Variants in TENM3 observed in about 807,000 individuals in gnomAD.
TENM3 encodes the protein teneurin-3.
A neutral mutation model predicts 255.1 loss-of-function variants in TENM3; 63 were observed. The ratio of observed to expected loss-of-function variants is 0.25; its 90% CI spans 0.20 to 0.30. TENM3 has a LOEUF of 0.30. Among genes scored for constraint, TENM3 ranks in the 10% least tolerant of loss-of-function variants. The pLI is 1.00. For synonymous variants in TENM3, 1,306 were observed against 1,322.3 expected (o/e 0.99, Z 0.27); for missense variants, 2,929 against 3,461.1 (o/e 0.85, Z 3.86).
intron 3 of TENM3, among the ~76,000 whole-genome samples, chr4:182,452,160 A>G (rs983308553): frequency 6.6e-6 from 1 of 152,224 alleles, no homozygotes; most frequent in Non-Finnish European, 1.5e-5. Context: ...ATCTTATCAT[A>G]GATGTGAGTG....
the TENM3 span, among the ~76,000 whole-genome samples, chr4:181,675,734 C>A: frequency 6.6e-6 from 1 of 151,828 alleles, no homozygotes; most frequent in African/African-American, 2.4e-5. Context: ...CTACCGTTGC[C>A]GCACGAGGGG....
the TENM3 span, among the ~76,000 whole-genome samples, chr4:181,581,009 C>A: frequency 6.6e-6 from 1 of 152,132 alleles, no homozygotes. Context: ...AAGCCCAGGG[C>A]ATACAACCAG....
intron 3 of TENM3, among the ~76,000 whole-genome samples, chr4:182,438,669 T>C (rs1472137933): frequency 6.6e-6 from 1 of 152,228 alleles, no homozygotes; most frequent in East Asian, 1.9e-4. Flanking sequence ...CACTTGTACC[T>C]AACTTTGAGA....
the TENM3 span, among the ~76,000 whole-genome samples, chr4:181,520,913 T>C: frequency 6.6e-6 from 1 of 152,220 alleles, no homozygotes; most frequent in Non-Finnish European, 1.5e-5. Flanking sequence ...CATCATTAAT[T>C]ATCTGTTCCA....
In TENM3 at chr4:182,700,329, A is replaced by G. The variant is rs542105794; in HGVS notation, c.2221+11978A>G. Among the ~76,000 whole-genome samples, 9 of 152,324 alleles carry G rather than the reference A, an allele frequency of 5.9e-5. No homozygotes were observed. In the South Asian group the frequency reaches 1.0e-3, roughly 18 times the overall value. ...CACATGGTATGTTGTTATCTTTTCA[A>G]TGGCAGAATTTATCTTTGCCATTTC... is the stretch of plus-strand genomic sequence containing the variant. On this transcript the variant is annotated intron_variant, in intron 12 of 27. Coordinates refer to ENST00000511685, the MANE Select transcript of TENM3 (RefSeq NM_001080477.4).
the TENM3 span, among the ~76,000 whole-genome samples, chr4:181,988,043 T>C: frequency 0.71 from 107,071 of 151,730 alleles, 38,349 homozygotes; most frequent in Middle Eastern, 0.79. Flanking sequence ...AAATGAGAGT[T>C]GAAAGAAATT....
chr4:182,015,915 T>C, the TENM3 span, among the ~76,000 whole-genome samples: 3 of 152,174 alleles, frequency 2.0e-5, no homozygotes, highest in African/African-American at 7.2e-5. Flanking sequence ...AAAACCATCA[T>C]TAACTTAAAA....
chr4:181,470,006 G>A, the TENM3 span, among the ~76,000 whole-genome samples: 3 of 150,814 alleles, frequency 2.0e-5, no homozygotes, highest in Non-Finnish European at 2.9e-5. Flanking sequence ...CATAACATAT[G>A]CGGTAATGAA....
chr4:182,733,699 G>T (rs1257377824), intron 16 of TENM3, among the ~76,000 whole-genome samples: 8 of 152,196 alleles, frequency 5.3e-5, no homozygotes, highest in Non-Finnish European at 1.2e-4. Flanking sequence ...GACAGGCAAA[G>T]ATGTTGCAAT....
chr4:181,493,147 G>T, the TENM3 span, among the ~76,000 whole-genome samples: 1 of 151,950 alleles, frequency 6.6e-6, no homozygotes, highest in East Asian at 1.9e-4. Context: ...CAGCCTAGAT[G>T]AGGCCAGACA....
chr4:181,849,949 T>TCTCTCTCTCTCACACACACACACACACA, the TENM3 span, among the ~76,000 whole-genome samples: 40 of 65,952 alleles, frequency 6.1e-4, no homozygotes, highest in East Asian at 1.5e-3. Flanking sequence ...TCTCTCTCTC[T>TCTCTCTCTCTCACACACACACACACACA]CACACACACA....
At chr4:181,665,068 G>A in the TENM3 span, among the ~76,000 whole-genome samples, 1 of 152,126 alleles carries the variant, frequency 6.6e-6, no homozygotes, top group South Asian at 2.1e-4. Context: ...GGAGAAATAG[G>A]CTCAGATAGA....
the TENM3 span, among the ~76,000 whole-genome samples, chr4:181,865,323 C>T: frequency 6.6e-6 from 1 of 152,154 alleles, no homozygotes; most frequent in African/African-American, 2.4e-5. Context: ...CCAGAAAAGC[C>T]AAGAACAAAT....
At chr4:181,768,146 A>G in the TENM3 span, among the ~76,000 whole-genome samples, 1 of 152,308 alleles carries the variant, frequency 6.6e-6, no homozygotes, top group East Asian at 1.9e-4. Flanking sequence ...CATGAAGTAC[A>G]ATTATTTGAC....
At chr4:181,997,954 T>G in the TENM3 span, among the ~76,000 whole-genome samples, 1 of 152,234 alleles carries the variant, frequency 6.6e-6, no homozygotes, top group African/African-American at 2.4e-5. Context: ...TTATATAAGA[T>G]TTCACAATCT....
At chr4:181,797,296 A>G in the TENM3 span, among the ~76,000 whole-genome samples, 3 of 152,082 alleles carry the variant, frequency 2.0e-5, no homozygotes, top group Non-Finnish European at 4.4e-5. Flanking sequence ...TGCAGGCAAC[A>G]AAAAAGGGCC....
chr4:181,609,616 C>T, the TENM3 span, among the ~76,000 whole-genome samples: 1 of 152,192 alleles, frequency 6.6e-6, no homozygotes, highest in Non-Finnish European at 1.5e-5. Context: ...TAGTTCCCAG[C>T]CTTTTATATG....
chr4:181,520,005 A>T, the TENM3 span, among the ~76,000 whole-genome samples: 6 of 152,342 alleles, frequency 3.9e-5, no homozygotes, highest in Admixed American at 2.6e-4. Context: ...GCAGCAAAAA[A>T]TACCCACATG....
the TENM3 span, among the ~76,000 whole-genome samples, chr4:181,979,873 G>A: frequency 5.3e-5 from 8 of 152,040 alleles, no homozygotes; most frequent in East Asian, 1.9e-4. Flanking sequence ...TTGTTTGTTC[G>A]TTTTAGTTTT....
Sources: allele counts gnomAD v4.1 joint callset (sites outside exome capture counted in the v4.1 genomes callset), GRCh38; gene constraint gnomAD v4.1.1; transcripts MANE v1.5; gene names NCBI Gene and HGNC (gene_info 2026-07-23, HGNC 2026-07-21).